EDIL3: variants seen among roughly 807,000 people sequenced by gnomAD.
The protein encoded by EDIL3 is EGF-like repeat and discoidin I-like domain-containing protein 3.
EDIL3 carries 37 observed loss-of-function variants against 67.4 expected under a neutral mutation model. The observed-to-expected ratio is 0.55, with a 90% CI of 0.42 to 0.72. The LOEUF (loss-of-function observed/expected upper bound fraction) is 0.72. Among genes scored for constraint, EDIL3 ranks in the 30% least tolerant of loss-of-function variants. EDIL3 has a pLI of 0.00. For synonymous variants in EDIL3, 195 were observed against 196.3 expected (o/e 0.99, Z 0.05); for missense variants, 527 against 586.3 (o/e 0.90, Z 1.04).
At chr5:84,035,460 C>A (rs534293115) in intron 9 of EDIL3, among the ~76,000 whole-genome samples, 4 of 152,100 alleles carry the variant, frequency 2.6e-5, no homozygotes, top group Admixed American at 6.6e-5. Context: ...AAATTAGATT[C>A]ATTTAATCCA....
chr5:84,111,337 T>C (rs749324921), intron 5 of EDIL3, among the ~76,000 whole-genome samples: 9 of 152,168 alleles, frequency 5.9e-5, no homozygotes, highest in Admixed American at 3.3e-4. Context: ...AGTGTGTCTG[T>C]CTCCTAAGGT....
chr5:84,290,345 C>T (rs530089316), intron 1 of EDIL3, among the ~76,000 whole-genome samples: 40 of 152,266 alleles, frequency 2.6e-4, no homozygotes, highest in African/African-American at 9.4e-4. Context: ...TGCTGCTGCC[C>T]TTACTCCCTC....
At chr5:84,366,778 C>A (rs2112207405) in intron 1 of EDIL3, among the ~76,000 whole-genome samples, 1 of 152,222 alleles carries the variant, frequency 6.6e-6, no homozygotes, top group African/African-American at 2.4e-5. Flanking sequence ...TATTTCAAAA[C>A]TTAAGGAACA....
At chr5:84,104,499 T>G (rs1229846159) in intron 6 of EDIL3, among the ~76,000 whole-genome samples, 1 of 151,968 alleles carries the variant, frequency 6.6e-6, no homozygotes, top group African/African-American at 2.4e-5. Flanking sequence ...TCCTAAAAAT[T>G]TATTGAATAA....
At chr5:84,205,479 T>A (rs982141548) in intron 3 of EDIL3, among the ~76,000 whole-genome samples, 6 of 152,194 alleles carry the variant, frequency 3.9e-5, no homozygotes, top group African/African-American at 1.4e-4. Flanking sequence ...ATATTTAAAA[T>A]CATGTAAGTG....
intron 9 of EDIL3, among the ~76,000 whole-genome samples, chr5:84,013,353 T>C: frequency 6.6e-6 from 1 of 152,246 alleles, no homozygotes; most frequent in Non-Finnish European, 1.5e-5. Flanking sequence ...ATGTAATAAA[T>C]GTCATTTGTA....
intron 5 of EDIL3, among the ~76,000 whole-genome samples, chr5:84,113,164 G>C (rs778840996): frequency 6.6e-6 from 1 of 152,204 alleles, no homozygotes; most frequent in Non-Finnish European, 1.5e-5. Context: ...GTGGCAATTC[G>C]ATCAATGCTG....
In EDIL3 at chr5:84,342,104, G is replaced by GT. The variant is rs568942309; in HGVS notation, c.67+42203dup. Among the ~76,000 whole-genome samples, 11 of 152,176 alleles carry GT rather than the reference G, an allele frequency of 7.2e-5. No individual in the cohort carries two copies. In the East Asian group the frequency reaches 2.1e-3, roughly 29 times the overall value. ...ACAACAACAAAGATACGGAATCAAT[G>GT]TAAGTGTCCATCAATGGATAACTGG... On this transcript the variant is annotated intron_variant, in intron 1 of 10. Transcript: ENST00000296591.
chr5:84,051,880 A>G (rs1298963477), intron 9 of EDIL3, among the ~76,000 whole-genome samples: 1 of 152,274 alleles, frequency 6.6e-6, no homozygotes, highest in African/African-American at 2.4e-5. Flanking sequence ...GTTGGAAAAC[A>G]GTCTGCAGGA....
chr5:84,323,311 A>G (rs1048741624), intron 1 of EDIL3, among the ~76,000 whole-genome samples: 4 of 152,010 alleles, frequency 2.6e-5, no homozygotes, highest in African/African-American at 9.7e-5. Flanking sequence ...GTAAATAGGC[A>G]GCTTTTGTTG....
intron 1 of EDIL3, among the ~76,000 whole-genome samples, chr5:84,271,629 A>T (rs1325591283): frequency 6.6e-6 from 1 of 152,034 alleles, no homozygotes; most frequent in Non-Finnish European, 1.5e-5. Context: ...TGGAAAAGAA[A>T]ATCTATTTTA....
intron 5 of EDIL3, among the ~76,000 whole-genome samples, chr5:84,112,250 A>C (rs1229971204): frequency 6.6e-6 from 1 of 152,218 alleles, no homozygotes; most frequent in Non-Finnish European, 1.5e-5. Flanking sequence ...GGACAAAACT[A>C]TGTCCAAAGA....
intron 5 of EDIL3, among the ~76,000 whole-genome samples, chr5:84,126,308 T>A (rs1747868429): frequency 6.6e-6 from 1 of 152,062 alleles, no homozygotes; most frequent in Admixed American, 6.6e-5. Flanking sequence ...AAATATCTTT[T>A]GAAACAGATA....
intron 10 of EDIL3, among the ~76,000 whole-genome samples, chr5:83,947,956 ACAT>A (rs1335768849): frequency 6.6e-6 from 1 of 151,874 alleles, no homozygotes; most frequent in Non-Finnish European, 1.5e-5. Flanking sequence ...CCATTGACTA[ACAT>A]CTGTTTTAAC....
At chr5:84,191,036 T>C (rs1350186757) in intron 3 of EDIL3, among the ~76,000 whole-genome samples, 2 of 152,028 alleles carry the variant, frequency 1.3e-5, no homozygotes, top group Non-Finnish European at 2.9e-5. Flanking sequence ...AATTTAGAGA[T>C]TGGATATAAA....
At chr5:84,167,867 T>C (rs1748736199) in intron 4 of EDIL3, among the ~76,000 whole-genome samples, 1 of 152,166 alleles carries the variant, frequency 6.6e-6, no homozygotes, top group Non-Finnish European at 1.5e-5. Flanking sequence ...GCTGTCATTA[T>C]CCAAATAAAC....
In EDIL3 at chr5:84,070,669, T is replaced by C. The variant is rs539047406; in HGVS notation, c.652-4063A>G. Among the ~76,000 whole-genome samples, 8 of 149,164 alleles carry C rather than the reference T, an allele frequency of 5.4e-5. No individual in the cohort carries two copies. In the South Asian group the frequency reaches 1.5e-3, roughly 28 times the overall value. On this transcript the variant is annotated intron_variant, in intron 6 of 10. Coordinates refer to ENST00000296591, the MANE Select transcript of EDIL3 (RefSeq NM_005711.5). ...TGTGTTTAAATCTAATCATGAGTCT[T>C]ACCATGGGGGGTGGGATTAATGGGT...
rs1445762511 is a variant in EDIL3 at position 84,163,723 on chromosome 5, G to T, written c.355+16670C>A. 2.0e-5 allele frequency among the ~76,000 whole-genome samples: 3 copies of T among 152,004 alleles called. No homozygotes were observed. The East Asian group carries it at 5.8e-4, about 29-fold the overall frequency. ...TGACATCTTTTATAGACAGAAAAAT[G>T]CATAAGGAAAGTTTTAGCAAAACAA... On this transcript the variant is annotated intron_variant, in intron 4 of 10. Transcript: ENST00000296591.
At chr5:84,198,332 C>T (rs1324521876) in intron 3 of EDIL3, among the ~76,000 whole-genome samples, 1 of 151,466 alleles carries the variant, frequency 6.6e-6, no homozygotes, top group African/African-American at 2.4e-5. Context: ...GAGAGGTCAG[C>T]CTTTAAGGAA....
Sources: gnomAD v4.1 joint callset for allele counts (sites outside exome capture counted in the v4.1 genomes callset) on GRCh38, gnomAD v4.1.1 for gene constraint, MANE v1.5 for transcripts, NCBI Gene and HGNC (gene_info 2026-07-23, HGNC 2026-07-21) for gene names.